Variants in FRMD5 observed in about 807,000 individuals in gnomAD.
The protein encoded by FRMD5 is FERM domain containing 5.
In FRMD5, 20 loss-of-function variants were observed where a neutral mutation model predicts 69.0. The ratio of observed to expected loss-of-function variants is 0.29; its 90% CI spans 0.20 to 0.42. The LOEUF (loss-of-function observed/expected upper bound fraction) is 0.42, where lower values mean the gene tolerates loss of function less well. FRMD5 is among the 10% of genes least tolerant of loss of function. The pLI is 1.00. For synonymous variants in FRMD5, 271 were observed against 260.1 expected, an observed-to-expected ratio of 1.04 and a Z score of -0.40; for missense variants, 595 against 708.6, an observed-to-expected ratio of 0.84 and a Z score of 1.82.
At chr15:44,108,793 T>C (rs1050195394) in intron 1 of FRMD5, among the ~76,000 whole-genome samples, 3 of 151,812 alleles carry the variant, frequency 2.0e-5, no homozygotes, top group African/African-American at 7.3e-5. Flanking sequence ...GTGAGACACC[T>C]CTACCAGTAA....
chr15:44,043,741 G>T (rs921580620), intron 1 of FRMD5, among the ~76,000 whole-genome samples: 1 of 152,116 alleles, frequency 6.6e-6, no homozygotes, highest in Non-Finnish European at 1.5e-5. Flanking sequence ...GCTGAAACTG[G>T]ATCCCTTCCT....
At chr15:44,162,035 G>A (rs990504759) in intron 1 of FRMD5, among the ~76,000 whole-genome samples, 1 of 151,940 alleles carries the variant, frequency 6.6e-6, no homozygotes. Flanking sequence ...CACAATCTTG[G>A]CTCACTGCAA....
At chr15:44,068,734 C>G (rs1595690084) in intron 1 of FRMD5, among the ~76,000 whole-genome samples, 1 of 152,122 alleles carries the variant, frequency 6.6e-6, no homozygotes, top group East Asian at 1.9e-4. Flanking sequence ...ATACTTTAAA[C>G]AGGCAAATTT....
chr15:44,098,709 C>T (rs2076592280), intron 1 of FRMD5, among the ~76,000 whole-genome samples: 1 of 152,168 alleles, frequency 6.6e-6, no homozygotes. Context: ...GACCCTGTCA[C>T]AGTTGTGACT....
intron 1 of FRMD5, among the ~76,000 whole-genome samples, chr15:44,008,118 A>G: frequency 9.0e-6 from 1 of 111,498 alleles, no homozygotes; most frequent in Non-Finnish European, 1.7e-5. Context: ...TTTTTTGTAG[A>G]GATGAGGTCT....
intron 1 of FRMD5, among the ~76,000 whole-genome samples, chr15:44,130,733 A>G (rs2077087054): frequency 6.6e-6 from 1 of 152,174 alleles, no homozygotes; most frequent in Non-Finnish European, 1.5e-5. Flanking sequence ...AAAGCATAGC[A>G]TCTCTTGTGG....
In FRMD5 at chr15:43,960,457, G is replaced by A. The variant is rs149957551; in HGVS notation, c.103-36148C>T. ...GTAGAGACGGGGTTTCACTGTATCC[G>A]TCAGGATGGTCTCGATCTCCCGACC... On this transcript the variant is annotated intron_variant, in intron 1 of 13. Coordinates refer to ENST00000417257, the MANE Select transcript of FRMD5 (RefSeq NM_032892.5). Among the ~76,000 whole-genome samples the A allele has an allele frequency of 4.9e-3, 752 of 152,306 alleles. 4 individuals are homozygous for A. Among genetic ancestry groups the A allele is most frequent in the Middle Eastern group, 0.01 (3 of 294 alleles).
chr15:44,033,931 GATT>G (rs1341696924), intron 1 of FRMD5, among the ~76,000 whole-genome samples: 2 of 152,176 alleles, frequency 1.3e-5, no homozygotes, highest in Non-Finnish European at 2.9e-5. Context: ...AATAAAAGGT[GATT>G]AGGATTCGCT....
At chr15:44,098,189 C>G (rs1414843181) in intron 1 of FRMD5, among the ~76,000 whole-genome samples, 1 of 151,894 alleles carries the variant, frequency 6.6e-6, no homozygotes, top group Non-Finnish European at 1.5e-5. Flanking sequence ...ATGTTACTCT[C>G]TGTCACCTGA....
At chr15:44,073,460 TTGTAA>T (rs1232879964) in intron 1 of FRMD5, among the ~76,000 whole-genome samples, 1 of 152,240 alleles carries the variant, frequency 6.6e-6, no homozygotes, top group Non-Finnish European at 1.5e-5. Flanking sequence ...GGATAAGGAC[TTGTAA>T]TTAATTTTTT....
rs558135387 is a variant in FRMD5, at chr15:43,944,522, C to T, written c.103-20213G>A. Among the ~76,000 whole-genome samples, 17 of 151,728 alleles carry T rather than the reference C, an allele frequency of 1.1e-4. No homozygotes were observed. In the South Asian group the frequency reaches 2.9e-3, roughly 26 times the overall value. On this transcript the variant is annotated intron_variant, in intron 1 of 13. Coordinates refer to ENST00000417257, the MANE Select transcript of FRMD5 (RefSeq NM_032892.5). ...CTGCAACCTCCACCTCCCGAACTCC[C>T]GGGTTCAAGTGATTCTCTTGCCTCA...
chr15:44,180,337 T>G (rs1046893001), intron 1 of FRMD5, among the ~76,000 whole-genome samples: 27 of 152,150 alleles, frequency 1.8e-4, no homozygotes, highest in African/African-American at 6.3e-4. Context: ...AAATTAAAGA[T>G]ATGTAATATG....
chr15:43,885,845 C>CT (rs2088650340), intron 10 of FRMD5, 90 bp from the exon 11 acceptor site: 8 of 1,006,474 alleles, frequency 7.9e-6, no homozygotes, highest in Non-Finnish European at 1.3e-5. Context: ...CCAAAGGCTA[C>CT]TTGAAACTTC....
chr15:44,129,072 G>C (rs2077062936), intron 1 of FRMD5, among the ~76,000 whole-genome samples: 1 of 151,946 alleles, frequency 6.6e-6, no homozygotes, highest in Non-Finnish European at 1.5e-5. Context: ...CTTTGAAAGA[G>C]ATAATACAAA....
At chr15:43,875,444 G>A (rs1393360260) in intron 13 of FRMD5, among the ~76,000 whole-genome samples, 2 of 148,476 alleles carry the variant, frequency 1.3e-5, no homozygotes, top group Non-Finnish European at 3.0e-5. Context: ...CATTTTAGAA[G>A]AGTTTTTCTT....
chr15:44,105,173 C>T (rs1171831399), intron 1 of FRMD5, among the ~76,000 whole-genome samples: 1 of 150,808 alleles, frequency 6.6e-6, no homozygotes, highest in African/African-American at 2.4e-5. Flanking sequence ...ATGTCCCAGG[C>T]TCAAGTGATC....
chr15:43,908,054 C>T (rs2089213382), intron 5 of FRMD5, among the ~76,000 whole-genome samples: 1 of 152,142 alleles, frequency 6.6e-6, no homozygotes, highest in African/African-American at 2.4e-5. Context: ...GTAGAAAAGA[C>T]TAGAGTTTAA....
chr15:44,038,086 C>A (rs570741743), intron 1 of FRMD5, among the ~76,000 whole-genome samples: 13 of 152,316 alleles, frequency 8.5e-5, no homozygotes, highest in Admixed American at 8.5e-4. Flanking sequence ...TTGTTGGCCA[C>A]ATAAATGTCT....
intron 1 of FRMD5, among the ~76,000 whole-genome samples, chr15:43,931,842 T>G (rs2089681823): frequency 6.6e-6 from 1 of 152,140 alleles, no homozygotes; most frequent in Non-Finnish European, 1.5e-5. Context: ...GCAGTCTGGG[T>G]GCAGTTTCCT....
Sources: allele counts gnomAD v4.1 joint callset (sites outside exome capture counted in the v4.1 genomes callset), GRCh38; gene constraint gnomAD v4.1.1; transcripts MANE v1.5; gene names NCBI Gene and HGNC (gene_info 2026-07-23, HGNC 2026-07-21).